FOXN3: variants seen among roughly 807,000 people sequenced by gnomAD.
The protein encoded by FOXN3 is forkhead box protein N3.
A neutral mutation model predicts 38.4 loss-of-function variants in FOXN3; 7 were observed. That is an observed-to-expected ratio of 0.18 (90% CI 0.10 to 0.34). The LOEUF is 0.34. Ranked by LOEUF, FOXN3 falls within the 10% of genes least tolerant of loss-of-function variation. The pLI is 1.00. For missense variants in FOXN3, 456 were observed against 613.4 expected, an observed-to-expected ratio of 0.74 and a Z score of 2.71; for synonymous variants, 230 against 242.2, an observed-to-expected ratio of 0.95 and a Z score of 0.47.
intron 1 of FOXN3, among the ~76,000 whole-genome samples, chr14:89,426,595 G>A (rs1201527344): frequency 6.6e-6 from 1 of 152,140 alleles, no homozygotes; most frequent in Non-Finnish European, 1.5e-5. Context: ...AACTACCAAT[G>A]ATGAGGACTG....
intron 1 of FOXN3, among the ~76,000 whole-genome samples, chr14:89,589,131 A>G (rs4900005): frequency 0.21 from 32,678 of 152,114 alleles, 4,114 homozygotes; most frequent in East Asian, 0.43. Flanking sequence ...TTTGAACTGC[A>G]GTCATTTTTT....
intron 1 of FOXN3, among the ~76,000 whole-genome samples, chr14:89,515,465 C>T (rs917608081): frequency 6.6e-6 from 1 of 152,160 alleles, no homozygotes; most frequent in Non-Finnish European, 1.5e-5. Flanking sequence ...GTGGCTCACA[C>T]CTGTAATCCC....
At chr14:89,334,026 TACACACAC>T (rs34061100) in intron 3 of FOXN3, among the ~76,000 whole-genome samples, 1 of 127,150 alleles carries the variant, frequency 7.9e-6, no homozygotes, top group Non-Finnish European at 1.7e-5. Flanking sequence ...AAATGTGGTA[TACACACAC>T]ACACACACAC....
intron 1 of FOXN3, among the ~76,000 whole-genome samples, chr14:89,509,067 C>G (rs1433102256): frequency 6.6e-6 from 1 of 152,104 alleles, no homozygotes; most frequent in Non-Finnish European, 1.5e-5. Context: ...CTGAGCTCAT[C>G]TCCTACTTCC....
chr14:89,544,710 C>T (rs1894852730), intron 1 of FOXN3, among the ~76,000 whole-genome samples: 1 of 152,116 alleles, frequency 6.6e-6, no homozygotes, highest in Non-Finnish European at 1.5e-5. Flanking sequence ...CAGATAGTAC[C>T]AAACCTTACA....
At chr14:89,396,519 A>AGATGCTGGACT (rs1309753969) in intron 2 of FOXN3, among the ~76,000 whole-genome samples, 1 of 152,160 alleles carries the variant, frequency 6.6e-6, no homozygotes, top group Non-Finnish European at 1.5e-5. Flanking sequence ...ATCCAGGTAC[A>AGATGCTGGACT]GATGCTGGAC....
At chr14:89,451,944 G>A (rs945109509) in intron 1 of FOXN3, among the ~76,000 whole-genome samples, 6 of 152,092 alleles carry the variant, frequency 3.9e-5, no homozygotes, top group African/African-American at 1.4e-4. Flanking sequence ...CATCTCAGCC[G>A]CCTGAGTTCA....
intron 1 of FOXN3, among the ~76,000 whole-genome samples, chr14:89,506,452 T>TG (rs1358885978): frequency 5.7e-5 from 7 of 123,840 alleles, no homozygotes; most frequent in South Asian, 2.7e-4. Flanking sequence ...GGAGGGAGGT[T>TG]GGGGGGGTCA....
rs369302925 is a variant in FOXN3 at position 89,352,212 on chromosome 14, C to T, written c.544-1404G>A. ...CATCAATGTTCTCAGTTTAACCAAC[C>T]GGATGTTTAAAGACCTGAAAGATTT... On this transcript the variant is annotated intron_variant, in intron 2 of 5. Coordinates refer to ENST00000557258, the MANE Select transcript of FOXN3 (RefSeq NM_005197.4). 7.2e-5 allele frequency among the ~76,000 whole-genome samples: 11 copies of T among 152,176 alleles called. No individual in the cohort carries two copies. The East Asian group carries it at 9.6e-4, about 13-fold the overall frequency.
intron 3 of FOXN3, among the ~76,000 whole-genome samples, chr14:89,301,713 G>C (rs145170072): frequency 6.6e-6 from 1 of 150,904 alleles, no homozygotes; most frequent in Non-Finnish European, 1.5e-5. Context: ...GGTTGCAGTG[G>C]GCCGAGATCA....
chr14:89,520,155 C>T (rs539286649), intron 1 of FOXN3, among the ~76,000 whole-genome samples: 1 of 150,608 alleles, frequency 6.6e-6, no homozygotes, highest in African/African-American at 2.4e-5. Flanking sequence ...CTGGGACTAC[C>T]GCCGTGTACC....
intron 3 of FOXN3, among the ~76,000 whole-genome samples, chr14:89,304,315 AG>A (rs1325498007): frequency 6.6e-6 from 1 of 152,164 alleles, no homozygotes; most frequent in African/African-American, 2.4e-5. Context: ...AGGGGCGGGA[AG>A]GGGCGGTAAG....
intron 1 of FOXN3, among the ~76,000 whole-genome samples, chr14:89,506,887 T>C (rs887623608): frequency 5.3e-5 from 8 of 152,104 alleles, no homozygotes; most frequent in African/African-American, 1.4e-4. Flanking sequence ...GGATTAAGGG[T>C]GGTGCAAGAT....
chr14:89,274,184 G>C (rs1315115151), intron 4 of FOXN3, among the ~76,000 whole-genome samples: 1 of 152,118 alleles, frequency 6.6e-6, no homozygotes, highest in Non-Finnish European at 1.5e-5. Context: ...CTTACAGAGA[G>C]GTAAGGGGTG....
At chr14:89,559,589 T>C (rs890430378) in intron 1 of FOXN3, among the ~76,000 whole-genome samples, 2 of 151,758 alleles carry the variant, frequency 1.3e-5, no homozygotes, top group East Asian at 1.9e-4. Flanking sequence ...GGCAGGAGAG[T>C]TGCTTGAATC....
At chr14:89,607,269 C>T (rs1391070249) in intron 1 of FOXN3, among the ~76,000 whole-genome samples, 1 of 152,108 alleles carries the variant, frequency 6.6e-6, no homozygotes, top group Non-Finnish European at 1.5e-5. Context: ...GGCTAAGACT[C>T]AGGTTTGGGC....
At chr14:89,224,854 G>C (rs551365364) in intron 4 of FOXN3, among the ~76,000 whole-genome samples, 67 of 152,292 alleles carry the variant, frequency 4.4e-4, no homozygotes, top group African/African-American at 1.5e-3. Flanking sequence ...CTTAAGGACG[G>C]GTGTGGTGGC....
intron 4 of FOXN3, among the ~76,000 whole-genome samples, chr14:89,216,176 G>A (rs1221596564): frequency 6.6e-6 from 1 of 152,166 alleles, no homozygotes. Flanking sequence ...CACGCACACA[G>A]GTGTAGGGTA....
At chr14:89,249,374 AGT>A (rs1238135658) in intron 4 of FOXN3, among the ~76,000 whole-genome samples, 1 of 152,166 alleles carries the variant, frequency 6.6e-6, no homozygotes, top group Non-Finnish European at 1.5e-5. Context: ...TTCTCAGCTG[AGT>A]AACTCTTAGA....
Sources: allele counts gnomAD v4.1 joint callset (sites outside exome capture counted in the v4.1 genomes callset), GRCh38; gene constraint gnomAD v4.1.1; transcripts MANE v1.5; gene names NCBI Gene and HGNC (gene_info 2026-07-23, HGNC 2026-07-21).